The following TSPAN33 variants were observed in gnomAD, a reference collection of about 807,000 sequenced individuals.
TSPAN33 encodes the protein tetraspanin 33.
In TSPAN33, 27 loss-of-function variants were observed where a neutral mutation model predicts 34.8. That is an observed-to-expected ratio of 0.78 (90% CI 0.57 to 1.07). The LOEUF is 1.07. TSPAN33 is among the 50% of genes least tolerant of loss of function. The pLI, the probability that TSPAN33 is intolerant of heterozygous loss-of-function variation, is 0.00. For synonymous variants in TSPAN33, 119 were observed against 124.2 expected (o/e 0.96, Z 0.28); for missense variants, 272 against 324.9 (o/e 0.84, Z 1.25).
intron 2 of TSPAN33, 59 bp from the exon 3 acceptor site, chr7:129,162,335 C>A: frequency 6.3e-7 from 1 of 1,599,656 alleles, no homozygotes; most frequent in South Asian, 1.1e-5. Flanking sequence ...CCCTCCCACC[C>A]CATCCAGGGG....
In TSPAN33 at chr7:129,167,183, T is replaced by C. The variant is rs1793155095; in HGVS notation, c.589-216T>C. Among the ~76,000 whole-genome samples, 1 of 152,230 alleles carries C rather than the reference T, an allele frequency of 6.6e-6. No homozygotes were observed. Reference sequence around the variant, plus strand: ...GTAAACTTGTGTCTTAGGGGTTTGTTGTACAGATTATTCCACCACCCAGAG... The same window carrying C: ...GTAAACTTGTGTCTTAGGGGTTTGTCGTACAGATTATTCCACCACCCAGAG... On this transcript the variant is annotated intron_variant, in intron 6 of 7. Coordinates refer to ENST00000486685, the MANE Select transcript of TSPAN33 (RefSeq NM_178562.5). The surrounding 1 kb of genome is among the most constrained non-coding windows in gnomAD (Gnocchi z 4.6).
Position 129,167,025 on chromosome 7 carries a change from C to A in TSPAN33, c.588+119C>A. On this transcript the variant is annotated intron_variant, in intron 6 of 7. Coordinates refer to ENST00000486685, the MANE Select transcript of TSPAN33 (RefSeq NM_178562.5). The surrounding 1 kb of genome is among the most constrained non-coding windows in gnomAD (Gnocchi z 4.6). ...TTCACCGATCAGTCATGTGGGACAG[C>A]TGTCAGGTGTTTTTCTTCACCCCAA... 8.0e-7 allele frequency: 1 copy of A among 1,255,860 alleles called. No homozygotes were observed. Among genetic ancestry groups the A allele is most frequent in the Non-Finnish European group, 1.1e-6 (1 of 903,042 alleles). The allele number at this position is 1,255,860 out of a possible 1,614,324, so 77.8% of individuals were successfully genotyped here.
chr7:129,162,277 A>G, intron 2 of TSPAN33, 117 bp from the exon 3 acceptor site: 1 of 1,493,984 alleles, frequency 6.7e-7, no homozygotes, highest in Non-Finnish European at 9.0e-7. Context: ...CCTTCATCCA[A>G]CCATAATGGA....
Position 129,167,019 on chromosome 7 carries a change from G to A in TSPAN33, c.588+113G>A. The A allele has an allele frequency of 7.6e-7, 1 of 1,307,840 alleles. No individual in the cohort carries two copies. The highest frequency in any genetic ancestry group is 1.1e-6 in the Non-Finnish European group (1 of 946,722). 81.0% of individuals were successfully genotyped at this position (1,307,840 alleles called of 1,614,324 possible). A position where few individuals can be genotyped will look rare whatever the true frequency, so the allele number is the denominator to read the frequency against. Reference sequence around the variant, plus strand: ...CCTAGCTTCACCGATCAGTCATGTGGGACAGCTGTCAGGTGTTTTTCTTCA... The same window carrying A: ...CCTAGCTTCACCGATCAGTCATGTGAGACAGCTGTCAGGTGTTTTTCTTCA... On this transcript the variant is annotated intron_variant, in intron 6 of 7. Transcript: ENST00000486685. This position sits in a 1 kb window ranked among gnomAD's most constrained non-coding sequence, Gnocchi z 4.6.
chr7:129,157,627 A>G (rs1792961138), intron 1 of TSPAN33, among the ~76,000 whole-genome samples: 1 of 152,170 alleles, frequency 6.6e-6, no homozygotes, highest in South Asian at 2.1e-4. Flanking sequence ...TCCCAATGCC[A>G]AAGATTCTGA....
Position 129,148,001 on chromosome 7 carries a change from A to G in TSPAN33, c.102+2919A>G, listed in dbSNP as rs779921247. ...TGACTGTGGGGATTCCATGGCCTGG[A>G]GTAGCTGCTCTAAGATCCTAGATGT... On this transcript the variant is annotated intron_variant, in intron 1 of 7. Transcript: ENST00000486685. The surrounding 1 kb of genome is among the most constrained non-coding windows in gnomAD (Gnocchi z 4.2). Among the ~76,000 whole-genome samples, 2 of 152,112 alleles carry G rather than the reference A, an allele frequency of 1.3e-5. No individual in the cohort carries two copies. The highest frequency in any genetic ancestry group is 2.9e-5 in the Non-Finnish European group (2 of 68,026).
chr7:129,154,945 A>G (rs1305726985), intron 1 of TSPAN33, among the ~76,000 whole-genome samples: 1 of 152,232 alleles, frequency 6.6e-6, no homozygotes, highest in Non-Finnish European at 1.5e-5. Context: ...TATATTGAAG[A>G]GACATCTGCA....
rs571064418 is a variant in TSPAN33 at position 129,169,178 on chromosome 7, G to A, written c.*1304G>A. Among the ~76,000 whole-genome samples, 65 of 152,314 alleles carry A rather than the reference G, an allele frequency of 4.3e-4. No homozygotes were observed. The East Asian group carries it at 0.012, about 28-fold the overall frequency. ...TGGGGCCGGGACGGGGAATGAGGAG[G>A]AAGAAGGCCCTCTCTTCCCCTACCC... On this transcript the variant is annotated 3_prime_UTR_variant, in exon 8 of 8. Coordinates refer to ENST00000486685, the MANE Select transcript of TSPAN33 (RefSeq NM_178562.5).
chr7:129,158,411 A>G (rs1792992098), intron 1 of TSPAN33, among the ~76,000 whole-genome samples: 2 of 152,102 alleles, frequency 1.3e-5, no homozygotes, highest in South Asian at 4.1e-4. Context: ...TACTTTGCCC[A>G]TTTTTTCAAC....
chr7:129,158,704 GT>G, intron 1 of TSPAN33, among the ~76,000 whole-genome samples: 1 of 152,136 alleles, frequency 6.6e-6, no homozygotes, highest in Non-Finnish European at 1.5e-5. Flanking sequence ...GATTTCATTC[GT>G]TTTTATGGCT....
intron 1 of TSPAN33, among the ~76,000 whole-genome samples, chr7:129,149,943 G>A (rs995881410): frequency 3.5e-4 from 54 of 152,330 alleles, no homozygotes; most frequent in African/African-American, 1.0e-3. Context: ...GCCCTACTCC[G>A]GGGCCACAGG....
At chr7:129,160,309 C>T (rs1464208268) in intron 1 of TSPAN33, among the ~76,000 whole-genome samples, 1 of 152,182 alleles carries the variant, frequency 6.6e-6, no homozygotes, top group East Asian at 1.9e-4. Context: ...ACAGTGGTGT[C>T]TAGCCAGCCA....
chr7:129,164,382 G>A, intron 4 of TSPAN33, 92 bp from the exon 5 acceptor site: 2 of 1,147,018 alleles, frequency 1.7e-6, no homozygotes, highest in Non-Finnish European at 2.6e-6. Context: ...ACTCAGTTAA[G>A]AAGGATGATC....
At chr7:129,164,013 A>G (rs530738022) in intron 4 of TSPAN33, among the ~76,000 whole-genome samples, 1 of 152,224 alleles carries the variant, frequency 6.6e-6, no homozygotes, top group South Asian at 2.1e-4. Flanking sequence ...GTTAATTCCG[A>G]ATTTCGTAGT....
intron 1 of TSPAN33, among the ~76,000 whole-genome samples, chr7:129,149,285 C>T (rs1295609378): frequency 6.6e-6 from 1 of 152,170 alleles, no homozygotes; most frequent in Admixed American, 6.5e-5. Context: ...AGGCTGGGCG[C>T]GGTGGCTCAT....
Position 129,145,006 on chromosome 7 carries a change from C to A in TSPAN33, c.26C>A (p.Ala9Asp). MARRPRAP[A>D]ASGEEFSFVS... is the part of the protein sequence containing the mutation. ...ATGGCGCGGAGACCCCGGGCGCCGG[C>A]CGCCTCCGGGGAGGAGTTCTCCTTC... Residue 9 changes from alanine to aspartate, a missense_variant, in exon 1 of 8, where the codon GCC becomes GAC. Transcript: ENST00000486685. The A allele has an allele frequency of 1.5e-6, 1 of 678,642 alleles. No homozygotes were observed. The allele number at this position is 678,642 out of a possible 1,614,324, so 42.0% of individuals were successfully genotyped here. A position where few individuals can be genotyped will look rare whatever the true frequency, so the allele number is the denominator to read the frequency against.
chr7:129,157,882 G>T (rs1186292546), intron 1 of TSPAN33, among the ~76,000 whole-genome samples: 1 of 152,198 alleles, frequency 6.6e-6, no homozygotes, highest in Non-Finnish European at 1.5e-5. Context: ...ACAAATGACC[G>T]CAAACTTAGT....
chr7:129,164,335 C>G (rs1584640964), intron 4 of TSPAN33, 139 bp from the exon 5 acceptor site: 2 of 747,902 alleles, frequency 2.7e-6, no homozygotes, highest in East Asian at 5.5e-5. Context: ...AACCGGCTAT[C>G]TTCCACCATT....
intron 1 of TSPAN33, among the ~76,000 whole-genome samples, chr7:129,160,707 T>C (rs17167798): frequency 1.1e-3 from 169 of 152,300 alleles, no homozygotes; most frequent in African/African-American, 3.6e-3. Flanking sequence ...GTCCTTCACA[T>C]TGGAGTGCAC....
Sources: allele counts gnomAD v4.1 joint callset (sites outside exome capture counted in the v4.1 genomes callset), GRCh38; gene constraint gnomAD v4.1.1; non-coding constraint Gnocchi (gnomAD v3.1); transcripts MANE v1.5; gene names NCBI Gene and HGNC (gene_info 2026-07-23, HGNC 2026-07-21).